The following KHDRBS2 variants were observed in gnomAD, a reference collection of about 807,000 sequenced individuals.
The protein encoded by KHDRBS2 is KH RNA binding domain containing, signal transduction associated 2, also known as KH domain-containing, RNA-binding, signal transduction-associated protein 2.
In KHDRBS2, 26 loss-of-function variants were observed where a neutral mutation model predicts 44.3. The observed-to-expected ratio is 0.59, with a 90% CI of 0.43 to 0.81. The LOEUF (loss-of-function observed/expected upper bound fraction) is 0.81. KHDRBS2 is among the 40% of genes least tolerant of loss of function. KHDRBS2 has a pLI of 0.00. For synonymous variants in KHDRBS2, 194 were observed against 151.1 expected (o/e 1.28, Z -2.08); for missense variants, 476 against 433.1 (o/e 1.10, Z -0.88).
At chr6:62,018,596 T>C (rs1781687597) in intron 3 of KHDRBS2, among the ~76,000 whole-genome samples, 1 of 151,916 alleles carries the variant, frequency 6.6e-6, no homozygotes. Flanking sequence ...CCGCGCGCCT[T>C]GGCCTCCCAA....
At chr6:61,889,008 C>T (rs1801406150) in intron 6 of KHDRBS2, among the ~76,000 whole-genome samples, 1 of 151,940 alleles carries the variant, frequency 6.6e-6, no homozygotes, top group South Asian at 2.1e-4. Flanking sequence ...TTTTTGCAAT[C>T]AATAATGCCT....
At chr6:61,893,017 A>G (rs1362831539) in intron 6 of KHDRBS2, among the ~76,000 whole-genome samples, 3 of 152,196 alleles carry the variant, frequency 2.0e-5, no homozygotes, top group Non-Finnish European at 2.9e-5. Flanking sequence ...ACTAAGGGCT[A>G]ATATCCAGAA....
intron 2 of KHDRBS2, among the ~76,000 whole-genome samples, chr6:62,077,842 C>G (rs1319010652): frequency 6.6e-6 from 1 of 151,972 alleles, no homozygotes; most frequent in Non-Finnish European, 1.5e-5. Context: ...AAAGCTATAT[C>G]ACAAAGCAAT....
At chr6:62,276,628 T>C (rs1237906679) in intron 1 of KHDRBS2, among the ~76,000 whole-genome samples, 2 of 152,212 alleles carry the variant, frequency 1.3e-5, no homozygotes, top group African/African-American at 2.4e-5. Context: ...TATACTAAGG[T>C]AAATTCCCCC....
chr6:62,104,955 G>C (rs1486374156), intron 2 of KHDRBS2, among the ~76,000 whole-genome samples: 1 of 151,966 alleles, frequency 6.6e-6, no homozygotes, highest in Non-Finnish European at 1.5e-5. Context: ...TGAAAGAAAT[G>C]ACATCCTTAT....
chr6:61,894,890 T>C, intron 5 of KHDRBS2, 57 bp from the exon 6 acceptor site: 1 of 1,291,068 alleles, frequency 7.7e-7, no homozygotes, highest in South Asian at 1.3e-5. Context: ...AAAGGGCCTA[T>C]CACAGAAAAA....
the KHDRBS2 span, among the ~76,000 whole-genome samples, chr6:61,604,784 G>A: frequency 6.6e-6 from 1 of 152,166 alleles, no homozygotes; most frequent in Non-Finnish European, 1.5e-5. Flanking sequence ...CTTGGTCTGG[G>A]TAGACACTTT....
At chr6:62,008,139 C>T (rs1049332590) in intron 3 of KHDRBS2, among the ~76,000 whole-genome samples, 1 of 152,118 alleles carries the variant, frequency 6.6e-6, no homozygotes, top group African/African-American at 2.4e-5. Flanking sequence ...CAAAAGTTCT[C>T]ATTAAGGAAG....
the KHDRBS2 span, among the ~76,000 whole-genome samples, chr6:61,665,553 A>G: frequency 6.6e-6 from 1 of 151,402 alleles, no homozygotes; most frequent in Non-Finnish European, 1.5e-5. Flanking sequence ...AAACTGTGTA[A>G]TCAATAAAAT....
the KHDRBS2 span, among the ~76,000 whole-genome samples, chr6:61,547,679 C>T: frequency 6.6e-6 from 1 of 152,076 alleles, no homozygotes; most frequent in Non-Finnish European, 1.5e-5. Context: ...AATGCTGGAC[C>T]AATTAAGCCA....
chr6:62,081,863 A>G (rs776380966), intron 2 of KHDRBS2, among the ~76,000 whole-genome samples: 9 of 151,994 alleles, frequency 5.9e-5, no homozygotes, highest in Non-Finnish European at 1.3e-4. Context: ...ATTATATATA[A>G]TATTATATAC....
chr6:62,133,331 AG>A (rs1810780342), intron 2 of KHDRBS2, among the ~76,000 whole-genome samples: 1 of 152,180 alleles, frequency 6.6e-6, no homozygotes, highest in Admixed American at 6.5e-5. Context: ...AAGTCTCATG[AG>A]ATCTGATAGT....
intron 3 of KHDRBS2, among the ~76,000 whole-genome samples, chr6:61,985,929 T>C (rs704491): frequency 0.066 from 10,024 of 152,252 alleles, 404 homozygotes; most frequent in Middle Eastern, 0.14. Context: ...GTAAAGACTT[T>C]CCTGCATATT....
chr6:62,143,015 T>C (rs1222012721), intron 2 of KHDRBS2, among the ~76,000 whole-genome samples: 2 of 151,868 alleles, frequency 1.3e-5, no homozygotes, highest in Non-Finnish European at 2.9e-5. Context: ...GTATAAAATA[T>C]TGAATTTTAA....
chr6:61,603,722 C>T, the KHDRBS2 span, among the ~76,000 whole-genome samples: 9 of 152,190 alleles, frequency 5.9e-5, no homozygotes, highest in Non-Finnish European at 1.2e-4. Context: ...AATATACTTT[C>T]TGCTCCCCAG....
At chr6:62,228,460 A>AT (rs959889230) in intron 1 of KHDRBS2, among the ~76,000 whole-genome samples, 21 of 150,402 alleles carry the variant, frequency 1.4e-4, no homozygotes, top group Admixed American at 7.3e-4. Context: ...TTGTTATCTT[A>AT]TTTTTTCAAA....
chr6:62,192,657 T>G (rs1824865888), intron 1 of KHDRBS2, among the ~76,000 whole-genome samples: 5 of 152,164 alleles, frequency 3.3e-5, no homozygotes. Context: ...GAGTTAAAAA[T>G]TCCAACTCTG....
chr6:62,149,646 A>C (rs1814672548), intron 2 of KHDRBS2, among the ~76,000 whole-genome samples: 1 of 146,658 alleles, frequency 6.8e-6, no homozygotes, highest in Non-Finnish European at 1.5e-5. Context: ...TTCTGAATAA[A>C]TATGAGAATT....
the KHDRBS2 span, among the ~76,000 whole-genome samples, chr6:61,582,367 G>C: frequency 6.6e-6 from 1 of 151,376 alleles, no homozygotes; most frequent in East Asian, 1.9e-4. Flanking sequence ...AATAGATACA[G>C]ATGTTAAAAA....
Sources: allele counts gnomAD v4.1 joint callset (sites outside exome capture counted in the v4.1 genomes callset), GRCh38; gene constraint gnomAD v4.1.1; transcripts MANE v1.5; gene names NCBI Gene and HGNC (gene_info 2026-07-23, HGNC 2026-07-21).